The following SORCS3 variants were observed in gnomAD, a reference collection of about 807,000 sequenced individuals.
SORCS3 encodes sortilin related VPS10 domain containing receptor 3, also known as VPS10 domain-containing receptor SorCS3.
SORCS3 carries 57 observed loss-of-function variants against 146.3 expected under a neutral mutation model. The observed-to-expected ratio is 0.39, with a 90% CI of 0.31 to 0.49. The LOEUF (loss-of-function observed/expected upper bound fraction) is 0.49. SORCS3 is among the 20% of genes least tolerant of loss of function. The pLI, the probability that SORCS3 is intolerant of heterozygous loss-of-function variation, is 0.92. For missense variants in SORCS3, 1,341 were observed against 1,575.5 expected (o/e 0.85, Z 2.52); for synonymous variants, 653 against 618.5 (o/e 1.06, Z -0.83).
chr10:104,968,276 C>T (rs539013638), intron 3 of SORCS3, among the ~76,000 whole-genome samples: 3 of 152,116 alleles, frequency 2.0e-5, no homozygotes, highest in African/African-American at 4.8e-5. Context: ...CCACCACACC[C>T]GGCTAATTTT....
chr10:104,817,968 G>A (rs543234612), intron 1 of SORCS3, among the ~76,000 whole-genome samples: 3 of 151,796 alleles, frequency 2.0e-5, no homozygotes, highest in Non-Finnish European at 4.4e-5. Flanking sequence ...CTTCCTTCGC[G>A]TCCATCTTTC....
intron 2 of SORCS3, among the ~76,000 whole-genome samples, chr10:104,859,544 C>G (rs978475764): frequency 1.3e-5 from 2 of 152,180 alleles, no homozygotes; most frequent in Admixed American, 1.3e-4. Flanking sequence ...AAAGCAATGT[C>G]AACAAAAGCC....
intron 7 of SORCS3, among the ~76,000 whole-genome samples, chr10:105,139,027 A>G (rs1407189236): frequency 6.6e-6 from 1 of 152,260 alleles, no homozygotes. Flanking sequence ...GGAATGAATT[A>G]ATAAACAATT....
At chr10:104,973,091 T>C (rs1165098920) in intron 3 of SORCS3, among the ~76,000 whole-genome samples, 2 of 151,870 alleles carry the variant, frequency 1.3e-5, no homozygotes, top group Non-Finnish European at 2.9e-5. Flanking sequence ...GCTGGATTCG[T>C]TTTGCCAGTA....
At chr10:104,665,988 T>C (rs2015771260) in intron 1 of SORCS3, 1 of 151,880 alleles carries the variant, frequency 6.6e-6, no homozygotes, top group African/African-American at 2.4e-5. Flanking sequence ...AAAGGTGAAG[T>C]CTCTGGTGGT....
intron 1 of SORCS3, among the ~76,000 whole-genome samples, chr10:104,834,459 C>T (rs948271018): frequency 2.0e-5 from 3 of 152,100 alleles, no homozygotes; most frequent in Non-Finnish European, 2.9e-5. Flanking sequence ...TTACCAAGAG[C>T]ACCATGTGAC....
At chr10:105,045,140 A>C (rs77227614) in intron 5 of SORCS3, among the ~76,000 whole-genome samples, 1,935 of 152,186 alleles carry the variant, frequency 0.013, 25 homozygotes, top group African/African-American at 0.034. Context: ...TCAGGTTAGT[A>C]GAGGAGGAAA....
chr10:105,222,595 C>T (rs1446980319), intron 19 of SORCS3, among the ~76,000 whole-genome samples: 1 of 152,144 alleles, frequency 6.6e-6, no homozygotes, highest in Non-Finnish European at 1.5e-5. Context: ...GGGAGATATA[C>T]TTTTCCCTGT....
intron 2 of SORCS3, among the ~76,000 whole-genome samples, chr10:104,867,864 C>A (rs919601010): frequency 3.9e-5 from 6 of 152,310 alleles, no homozygotes; most frequent in Middle Eastern, 3.4e-3. Flanking sequence ...TGTGTAAATC[C>A]TGTAATTGCC....
intron 1 of SORCS3, among the ~76,000 whole-genome samples, chr10:104,799,736 T>G (rs975355464): frequency 2.0e-5 from 3 of 151,838 alleles, no homozygotes; most frequent in Middle Eastern, 3.2e-3. Flanking sequence ...AGTGCAGTGG[T>G]GCGATCTTGG....
intron 1 of SORCS3, among the ~76,000 whole-genome samples, chr10:104,651,136 G>T (rs542884900): frequency 1.3e-5 from 2 of 152,322 alleles, no homozygotes; most frequent in South Asian, 4.1e-4. Flanking sequence ...CAGAGTGGTG[G>T]TGGAAGAGGA....
intron 1 of SORCS3, among the ~76,000 whole-genome samples, chr10:104,765,401 G>A (rs186037674): frequency 3.9e-5 from 6 of 152,332 alleles, no homozygotes; most frequent in Admixed American, 2.0e-4. Context: ...CTCCTAAGTA[G>A]TTTAGGGGAA....
chr10:104,667,726 G>T (rs139729242), intron 1 of SORCS3, among the ~76,000 whole-genome samples: 1 of 152,166 alleles, frequency 6.6e-6, no homozygotes, highest in South Asian at 2.1e-4. Context: ...CTTGTTTGTC[G>T]TTGTTTGCAT....
At chr10:105,247,704 C>T (rs750678016) in intron 22 of SORCS3, among the ~76,000 whole-genome samples, 4 of 151,726 alleles carry the variant, frequency 2.6e-5, no homozygotes, top group African/African-American at 9.7e-5. Flanking sequence ...GCTGAGATTG[C>T]GCCATTGCAC....
chr10:104,868,693 C>G (rs1361398503), intron 2 of SORCS3, among the ~76,000 whole-genome samples: 2 of 152,200 alleles, frequency 1.3e-5, no homozygotes. Context: ...TCAGGGCACA[C>G]ATAGACACCT....
chr10:105,051,780 G>C (rs1387809859), intron 5 of SORCS3, among the ~76,000 whole-genome samples: 2 of 151,874 alleles, frequency 1.3e-5, no homozygotes, highest in South Asian at 4.2e-4. Flanking sequence ...TGCAAACCAG[G>C]GTATGCTACA....
intron 6 of SORCS3, among the ~76,000 whole-genome samples, chr10:105,094,360 G>C (rs1171410161): frequency 6.6e-6 from 1 of 152,190 alleles, no homozygotes; most frequent in Non-Finnish European, 1.5e-5. Flanking sequence ...TGAAAAATAT[G>C]TTTGTATTAA....
chr10:104,814,168 G>C (rs1002333212), intron 1 of SORCS3, among the ~76,000 whole-genome samples: 3 of 152,084 alleles, frequency 2.0e-5, no homozygotes, highest in Admixed American at 6.5e-5. Flanking sequence ...CACAAGGGGG[G>C]AGTTAAATCA....
chr10:104,809,533 G>T (rs1386314078), intron 1 of SORCS3, among the ~76,000 whole-genome samples: 1 of 152,218 alleles, frequency 6.6e-6, no homozygotes, highest in Non-Finnish European at 1.5e-5. Flanking sequence ...GGCAAAACAA[G>T]TAAAACGCCA....
Sources: gnomAD v4.1 joint callset for allele counts (sites outside exome capture counted in the v4.1 genomes callset) on GRCh38, gnomAD v4.1.1 for gene constraint, MANE v1.5 for transcripts, NCBI Gene and HGNC (gene_info 2026-07-23, HGNC 2026-07-21) for gene names.